Variants in IPCEF1 observed in about 807,000 individuals in gnomAD.
The protein encoded by IPCEF1 is interactor protein for cytohesin exchange factors 1.
In IPCEF1, 31 loss-of-function variants were observed where a neutral mutation model predicts 50.9. The observed-to-expected ratio is 0.61, with a 90% CI of 0.46 to 0.82. The LOEUF (loss-of-function observed/expected upper bound fraction) is 0.82, where lower values mean the gene tolerates loss of function less well. Among genes scored for constraint, IPCEF1 ranks in the 40% least tolerant of loss-of-function variants. IPCEF1 has a pLI of 0.00. For synonymous variants in IPCEF1, 181 were observed against 192.0 expected (o/e 0.94, Z 0.47); for missense variants, 458 against 514.0 (o/e 0.89, Z 1.05).
chr6:154,241,168 G>A (rs3930218), intron 5 of IPCEF1, among the ~76,000 whole-genome samples: 17,245 of 150,364 alleles, frequency 0.11, 2,031 homozygotes, highest in East Asian at 0.68. Context: ...CCCGGGAGGC[G>A]GAGGTTGCAG....
chr6:154,163,186 C>T lies in IPCEF1; in HGVS notation c.1105-3146G>A, dbSNP rs568068399. On this transcript the variant is annotated intron_variant, in intron 11 of 11. Coordinates refer to ENST00000367220, the MANE Select transcript of IPCEF1 (RefSeq NM_001130700.2). ...AATGGCAATGAGATCCTCAATGGCT[C>T]GAGTCCCTGCTGCCCCTCCAGCCCA... 6.4e-4 allele frequency among the ~76,000 whole-genome samples: 97 copies of T among 152,280 alleles called. 1 individual carries two copies. The highest frequency in any genetic ancestry group is 2.0e-3 in the African/African-American group (82 of 41,552).
chr6:154,310,212 A>G (rs1783045812), intron 1 of IPCEF1, among the ~76,000 whole-genome samples: 1 of 152,248 alleles, frequency 6.6e-6, no homozygotes, highest in Non-Finnish European at 1.5e-5. Flanking sequence ...TGCCCACATC[A>G]AAACTGCCAG....
chr6:154,348,416 CTG>C (rs2128700971), intron 1 of IPCEF1, among the ~76,000 whole-genome samples: 1 of 152,164 alleles, frequency 6.6e-6, no homozygotes, highest in East Asian at 1.9e-4. Flanking sequence ...CTGGCTATAA[CTG>C]AGTCTAACCA....
At chr6:154,274,422 C>A (rs1445764739) in intron 2 of IPCEF1, among the ~76,000 whole-genome samples, 2 of 152,158 alleles carry the variant, frequency 1.3e-5, no homozygotes, top group Admixed American at 1.3e-4. Context: ...CACACAAAAT[C>A]CACAAAGCTA....
chr6:154,246,182 G>A (rs999183577), intron 5 of IPCEF1, among the ~76,000 whole-genome samples: 12 of 152,148 alleles, frequency 7.9e-5, no homozygotes, highest in African/African-American at 2.9e-4. Context: ...TGAATCAACT[G>A]ACACCCTTGT....
chr6:154,271,524 T>C (rs544661852), intron 2 of IPCEF1, among the ~76,000 whole-genome samples: 62 of 152,324 alleles, frequency 4.1e-4, no homozygotes, highest in Non-Finnish European at 7.9e-4. Context: ...TTATATAGAT[T>C]ACTTTTATAC....
intron 1 of IPCEF1, among the ~76,000 whole-genome samples, chr6:154,297,766 T>A (rs1782700282): frequency 6.6e-6 from 1 of 152,242 alleles, no homozygotes; most frequent in African/African-American, 2.4e-5. Context: ...CAGTTTTGTG[T>A]CTGCAAGGCC....
chr6:154,200,590 G>T (rs187321353), intron 9 of IPCEF1, among the ~76,000 whole-genome samples: 1 of 151,950 alleles, frequency 6.6e-6, no homozygotes, highest in African/African-American at 2.4e-5. Context: ...GCTTGGTGGC[G>T]CGCACCTGTA....
At position 154,246,729 on chromosome 6, in the gene IPCEF1, C is replaced by A; in HGVS notation, c.108G>T (p.Ser36=). 1 of 1,613,918 alleles carries A rather than the reference C, an allele frequency of 6.2e-7. No homozygotes were observed. Among genetic ancestry groups the A allele is most frequent in the Non-Finnish European group, 8.5e-7 (1 of 1,179,924 alleles). The change falls in exon 5 of 12, where the codon TCG becomes TCT. Residue 36 remains serine (S), a synonymous_variant. Coordinates refer to ENST00000367220, the MANE Select transcript of IPCEF1 (RefSeq NM_001130700.2). ...GFLTMSRRRI[S]CKDLGHADCQ... is the part of the protein sequence containing the mutation. ...AGTCAGCATGGCCCAGATCTTTACA[C>A]GATATCCTCCTCCGACTCATCGTGA...
chr6:154,268,021 G>A (rs1323726236), intron 2 of IPCEF1, among the ~76,000 whole-genome samples: 1 of 152,226 alleles, frequency 6.6e-6, no homozygotes, highest in East Asian at 1.9e-4. Flanking sequence ...CCAGTTGGTG[G>A]GACTGGCAGC....
intron 1 of IPCEF1, among the ~76,000 whole-genome samples, chr6:154,323,393 C>A (rs1396192147): frequency 6.6e-6 from 1 of 152,096 alleles, no homozygotes; most frequent in Non-Finnish European, 1.5e-5. Flanking sequence ...TTGGTGGTGA[C>A]AAGCTTTTTG....
At chr6:154,296,671 T>C (rs556774431) in intron 1 of IPCEF1, among the ~76,000 whole-genome samples, 2 of 151,676 alleles carry the variant, frequency 1.3e-5, no homozygotes, top group East Asian at 3.9e-4. Context: ...CTACTAAAAA[T>C]ACAAAAAATT....
chr6:154,343,984 A>C (rs764323693), intron 1 of IPCEF1, among the ~76,000 whole-genome samples: 6 of 152,198 alleles, frequency 3.9e-5, no homozygotes, highest in African/African-American at 2.4e-5. Context: ...GCATATTAAA[A>C]GACTAAGGTG....
intron 9 of IPCEF1, among the ~76,000 whole-genome samples, chr6:154,212,072 C>A (rs1044065769): frequency 6.6e-6 from 1 of 152,182 alleles, no homozygotes; most frequent in Non-Finnish European, 1.5e-5. Flanking sequence ...GCATTTAAAG[C>A]ACCTACATAC....
chr6:154,320,281 T>C (rs982512362), intron 1 of IPCEF1, among the ~76,000 whole-genome samples: 1 of 152,212 alleles, frequency 6.6e-6, no homozygotes, highest in Non-Finnish European at 1.5e-5. Context: ...AGACTTATTT[T>C]TCCAATTTGT....
At position 154,332,112 on chromosome 6, in the gene IPCEF1, G is replaced by T. The variant is rs6938560; in HGVS notation, c.-62+24560C>A. ...CAAGAATCGGTTGCTACAGACAACCGATTTGTTGCCACTGCTAACAAAAAG... is the reference window on the plus strand; with the variant it reads ...CAAGAATCGGTTGCTACAGACAACCTATTTGTTGCCACTGCTAACAAAAAG... On this transcript the variant is annotated intron_variant, in intron 1 of 11. Transcript: ENST00000367220. 5.9e-3 allele frequency among the ~76,000 whole-genome samples: 894 copies of T among 152,182 alleles called. 6 individuals are homozygous for T. The highest frequency in any genetic ancestry group is 0.02 in the African/African-American group (831 of 41,540).
At chr6:154,248,338 TAGA>T (rs1781227713) in intron 3 of IPCEF1, among the ~76,000 whole-genome samples, 1 of 148,994 alleles carries the variant, frequency 6.7e-6, no homozygotes, top group African/African-American at 2.5e-5. Flanking sequence ...TGTGTGTGTG[TAGA>T]GAGAGAGAAA....
chr6:154,188,318 A>G (rs1247567017), intron 10 of IPCEF1, among the ~76,000 whole-genome samples: 1 of 152,258 alleles, frequency 6.6e-6, no homozygotes, highest in Admixed American at 6.5e-5. Flanking sequence ...TTCATAGAAA[A>G]TATAAATTGT....
At chr6:154,215,782 A>G (rs1049120166) in intron 7 of IPCEF1, among the ~76,000 whole-genome samples, 4 of 152,180 alleles carry the variant, frequency 2.6e-5, no homozygotes, top group African/African-American at 9.7e-5. Flanking sequence ...CAGGAACCCA[A>G]AAATGTATAT....
Sources: allele counts gnomAD v4.1 joint callset (sites outside exome capture counted in the v4.1 genomes callset), GRCh38; gene constraint gnomAD v4.1.1; transcripts MANE v1.5; gene names NCBI Gene and HGNC (gene_info 2026-07-23, HGNC 2026-07-21).